Variants in IGSF21 observed in about 807,000 individuals in gnomAD.
IGSF21 encodes the protein immunoglobulin superfamily member 21.
IGSF21 carries 28 observed loss-of-function variants against 46.8 expected under a neutral mutation model. The ratio of observed to expected loss-of-function variants is 0.60; its 90% CI spans 0.44 to 0.82. The LOEUF (loss-of-function observed/expected upper bound fraction) is 0.82. Ranked by LOEUF, IGSF21 falls within the 40% of genes least tolerant of loss-of-function variation. The pLI is 0.00. For missense variants in IGSF21, 624 were observed against 665.5 expected, an observed-to-expected ratio of 0.94 and a Z score of 0.69; for synonymous variants, 284 against 273.6, an observed-to-expected ratio of 1.04 and a Z score of -0.38.
At chr1:18,328,535 A>G (rs1427057475) in intron 3 of IGSF21, among the ~76,000 whole-genome samples, 1 of 152,178 alleles carries the variant, frequency 6.6e-6, no homozygotes, top group Non-Finnish European at 1.5e-5. Context: ...TCCCTTATAT[A>G]TACTCAACAC....
rs138950086 is a variant in IGSF21, at chr1:18,214,982, C to T, written c.71-12916C>T. ...GTCTTGATCTCTTGACCTCGTGATC[C>T]GCCCTCCTCGGCCTCCCAAAGTGCC... On this transcript the variant is annotated intron_variant, in intron 1 of 9. Coordinates refer to ENST00000251296, the MANE Select transcript of IGSF21 (RefSeq NM_032880.5). 2.3e-4 allele frequency among the ~76,000 whole-genome samples: 35 copies of T among 152,256 alleles called. No individual in the cohort carries two copies. The East Asian group carries it at 5.6e-3, about 24-fold the overall frequency.
intron 1 of IGSF21, among the ~76,000 whole-genome samples, chr1:18,165,546 A>C (rs550049127): frequency 6.6e-6 from 1 of 152,312 alleles, no homozygotes; most frequent in African/African-American, 2.4e-5. Context: ...GCTTCAAATA[A>C]GAATTTTGAG....
At chr1:18,139,954 A>G (rs551168032) in intron 1 of IGSF21, among the ~76,000 whole-genome samples, 105 of 152,228 alleles carry the variant, frequency 6.9e-4, no homozygotes, top group African/African-American at 2.3e-3. Flanking sequence ...AAAAAAATAA[A>G]AAATTTTATT....
chr1:18,201,531 G>T (rs1306336628), intron 1 of IGSF21, among the ~76,000 whole-genome samples: 1 of 152,102 alleles, frequency 6.6e-6, no homozygotes, highest in Non-Finnish European at 1.5e-5. Context: ...AGCCTGGCTG[G>T]ATGGACAGCA....
chr1:18,159,511 G>A (rs1258350322), intron 1 of IGSF21, among the ~76,000 whole-genome samples: 2 of 152,096 alleles, frequency 1.3e-5, no homozygotes, highest in Admixed American at 1.3e-4. Context: ...TAAGTCTCAC[G>A]AGATCTGATG....
chr1:18,231,551 C>T (rs191770040), intron 2 of IGSF21, among the ~76,000 whole-genome samples: 1 of 152,292 alleles, frequency 6.6e-6, no homozygotes, highest in East Asian at 1.9e-4. Flanking sequence ...ATCATAGCCC[C>T]TTGGTCTGGG....
rs2085779224 is a variant in IGSF21, at chr1:18,337,294, T to C, written c.424+2284T>C. On this transcript the variant is annotated intron_variant, in intron 4 of 9. Transcript: ENST00000251296. This position sits in a 1 kb window ranked among gnomAD's most constrained non-coding sequence, Gnocchi z 5.7. ...CTGTGGGCCTCAATTTCCCCATCTGTAAAACAGGGATAAGGATGCTTCCCT... is the reference window on the plus strand; with the variant it reads ...CTGTGGGCCTCAATTTCCCCATCTGCAAAACAGGGATAAGGATGCTTCCCT... 6.6e-6 allele frequency among the ~76,000 whole-genome samples: 1 copy of C among 152,192 alleles called. No homozygotes were observed. The highest frequency in any genetic ancestry group is 1.5e-5 in the Non-Finnish European group (1 of 68,044).
rs1220006078 is a variant in IGSF21, at chr1:18,322,603, C to T, written c.306-12289C>T. On this transcript the variant is annotated intron_variant, in intron 3 of 9. Transcript: ENST00000251296. The surrounding 1 kb of genome is among the most constrained non-coding windows in gnomAD (Gnocchi z 4.3). Reference sequence around the variant, plus strand: ...CCACCTGGCTCCTGGTTCCCCACCACACGGAGTCTTTTTCTGAAGAGCACG... The same window carrying T: ...CCACCTGGCTCCTGGTTCCCCACCATACGGAGTCTTTTTCTGAAGAGCACG... Among the ~76,000 whole-genome samples the T allele has an allele frequency of 6.6e-6, 1 of 152,228 alleles. No individual in the cohort carries two copies. The highest frequency in any genetic ancestry group is 1.5e-5 in the Non-Finnish European group (1 of 68,050).
chr1:18,153,852 C>A (rs575578244), intron 1 of IGSF21, among the ~76,000 whole-genome samples: 1 of 152,276 alleles, frequency 6.6e-6, no homozygotes, highest in East Asian at 1.9e-4. Context: ...CAGGACTGTC[C>A]AGCTGCATCT....
At chr1:18,172,963 GA>G (rs2086754175) in intron 1 of IGSF21, among the ~76,000 whole-genome samples, 1 of 152,162 alleles carries the variant, frequency 6.6e-6, no homozygotes, top group Admixed American at 6.5e-5. Context: ...CTCTGGGAAA[GA>G]TAATTAATAT....
chr1:18,228,023 T>G lies in IGSF21; in HGVS notation c.183+13T>G, dbSNP rs765376732. On this transcript the variant is annotated intron_variant, in intron 2 of 9. Coordinates refer to ENST00000251296, the MANE Select transcript of IGSF21 (RefSeq NM_032880.5). ...CGTGTGGTACCGGGTAAGTCACTAC[T>G]ACTGCCCCCTTCATGCCCATGGCCA... The G allele has an allele frequency of 2.0e-5, 32 of 1,588,960 alleles. No homozygotes were observed. The highest frequency in any genetic ancestry group is 2.7e-5 in the Non-Finnish European group (31 of 1,157,206).
At position 18,315,724 on chromosome 1, in the gene IGSF21, A is replaced by T. The variant is rs937858353; in HGVS notation, c.306-19168A>T. Among the ~76,000 whole-genome samples the T allele has an allele frequency of 1.1e-4, 17 of 152,114 alleles. No individual in the cohort carries two copies. In the East Asian group the frequency reaches 2.1e-3, roughly 19 times the overall value. ...ATGGATGGATGGTGGATAGGTGTGG[A>T]TGGATAGATGGCTAGATAAGTGGAT... On this transcript the variant is annotated intron_variant, in intron 3 of 9. Transcript: ENST00000251296.
intron 1 of IGSF21, among the ~76,000 whole-genome samples, chr1:18,202,000 A>G (rs1273961561): frequency 6.6e-6 from 1 of 152,172 alleles, no homozygotes; most frequent in East Asian, 1.9e-4. Flanking sequence ...AAAAGTGGCC[A>G]GTTTTGTTCA....
chr1:18,297,657 C>T (rs897305486), intron 3 of IGSF21, among the ~76,000 whole-genome samples: 2 of 152,142 alleles, frequency 1.3e-5, no homozygotes, highest in Admixed American at 1.3e-4. Context: ...TCAAGTCCCA[C>T]ATATAAAATG....
chr1:18,135,069 C>A (rs1171889629), intron 1 of IGSF21, among the ~76,000 whole-genome samples: 1 of 152,100 alleles, frequency 6.6e-6, no homozygotes, highest in Admixed American at 6.5e-5. Context: ...AGATGAGGAC[C>A]CCAAACCCCA....
intron 1 of IGSF21, among the ~76,000 whole-genome samples, chr1:18,175,072 C>T (rs546572945): frequency 2.6e-5 from 4 of 152,282 alleles, no homozygotes; most frequent in Middle Eastern, 3.4e-3. Context: ...TTTCAGACTC[C>T]CAGCCTCTCC....
In IGSF21 at chr1:18,109,310, A is replaced by G. The variant is rs2086120942; in HGVS notation, c.70+1112A>G. 1 of 151,934 alleles carries G rather than the reference A, an allele frequency of 6.6e-6. No homozygotes were observed. 9.4% of individuals were successfully genotyped at this position (151,934 alleles called of 1,614,324 possible). A position where few individuals can be genotyped will look rare whatever the true frequency, so the allele number is the denominator to read the frequency against. On this transcript the variant is annotated intron_variant, in intron 1 of 9. Transcript: ENST00000251296. The surrounding 1 kb of genome is among the most constrained non-coding windows in gnomAD (Gnocchi z 4.8). Reference sequence around the variant, plus strand: ...GGATCCTCCTCGGAGCCTGGTGCCAACCTCAGCCTGGCTGGAGTCAGAGCC... The same window carrying G: ...GGATCCTCCTCGGAGCCTGGTGCCAGCCTCAGCCTGGCTGGAGTCAGAGCC...
intron 1 of IGSF21, chr1:18,115,859 AAG>A (rs1174989309): frequency 1.9e-5 from 2 of 106,832 alleles, no homozygotes; most frequent in African/African-American, 3.4e-5. Flanking sequence ...GAAAGAAAGA[AAG>A]AAAGAAAGAA....
Position 18,139,809 on chromosome 1 carries a change from C to T in IGSF21, c.70+31611C>T, listed in dbSNP as rs560376623. 3.3e-5 allele frequency among the ~76,000 whole-genome samples: 5 copies of T among 152,288 alleles called. No homozygotes were observed. The South Asian group carries it at 1.0e-3, about 32-fold the overall frequency. On this transcript the variant is annotated intron_variant, in intron 1 of 9. Transcript: ENST00000251296. The stretch of plus-strand genomic sequence containing the variant: ...AAGTCTGCTTACTGTGAATGAAACT[C>T]ATTGCCTGAGGCAGCATCCCTGGCC...
Sources: gnomAD v4.1 joint callset for allele counts (sites outside exome capture counted in the v4.1 genomes callset) on GRCh38, gnomAD v4.1.1 for gene constraint, Gnocchi (gnomAD v3.1) non-coding constraint, MANE v1.5 for transcripts, NCBI Gene and HGNC (gene_info 2026-07-23, HGNC 2026-07-21) for gene names.